GNB5: variants seen among roughly 807,000 people sequenced by gnomAD.
The protein encoded by GNB5 is guanine nucleotide-binding protein subunit beta-5.
In GNB5, 37 loss-of-function variants were observed where a neutral mutation model predicts 55.3. The ratio of observed to expected loss-of-function variants is 0.67; its 90% CI spans 0.51 to 0.88. GNB5 has a LOEUF of 0.88. GNB5 is among the 40% of genes least tolerant of loss of function. The probability of loss-of-function intolerance (pLI) is 0.00; values close to 1 mark genes in which losing one functional copy is unlikely to be tolerated. For missense variants in GNB5, 476 were observed against 515.3 expected (o/e 0.92, Z 0.74); for synonymous variants, 219 against 198.5 (o/e 1.10, Z -0.87).
chr15:52,176,882 T>C (rs2034659503), intron 3 of GNB5, among the ~76,000 whole-genome samples: 2 of 152,142 alleles, frequency 1.3e-5, no homozygotes, highest in South Asian at 4.1e-4. Flanking sequence ...ACTGCACCCA[T>C]GGGGTCCTGC....
chr15:52,159,100 T>C (rs1233759079), intron 3 of GNB5, among the ~76,000 whole-genome samples: 1 of 152,170 alleles, frequency 6.6e-6, no homozygotes, highest in African/African-American at 2.4e-5. Context: ...ATAATACTGA[T>C]GTAAAATTTT....
At chr15:52,130,885 G>A (rs973753809) in intron 9 of GNB5, among the ~76,000 whole-genome samples, 1 of 152,224 alleles carries the variant, frequency 6.6e-6, no homozygotes, top group African/African-American at 2.4e-5. Context: ...GAGTGCAGTG[G>A]CACGATCTCA....
At position 52,117,102 on chromosome 15, in the gene GNB5, A is replaced by ATATATATATATATATATAAT; in HGVS notation, c.*5654_*5655insATTATATATATATATATATA. On this transcript the variant is annotated 3_prime_UTR_variant, in exon 13 of 13. Transcript: ENST00000261837. ...CCACGCCCAGCTAATATATATATATATTTTTTTTTAGTACAGACAGGGTTT... is the reference window on the plus strand; with the variant it reads ...CCACGCCCAGCTAATATATATATATATATATATATATATATATAATTTTTTTTTTAGTACAGACAGGGTTT... 49 of 87,100 alleles carry ATATATATATATATATATAAT rather than the reference A, an allele frequency of 5.6e-4. 5 individuals are homozygous for ATATATATATATATATATAAT. Among genetic ancestry groups the ATATATATATATATATATAAT allele is most frequent in the African/African-American group, 2.9e-3 (48 of 16,446 alleles). The allele number at this position is 87,100 out of a possible 1,614,324, so 5.4% of individuals were successfully genotyped here. A position where few individuals can be genotyped will look rare whatever the true frequency, so the allele number is the denominator to read the frequency against.
At chr15:52,165,621 A>C (rs1566946069) in intron 3 of GNB5, among the ~76,000 whole-genome samples, 1 of 152,194 alleles carries the variant, frequency 6.6e-6, no homozygotes. Context: ...CAAAGAAGAA[A>C]CAAGATCTTT....
At chr15:52,124,367 C>T in intron 12 of GNB5, 106 bp downstream of exon 12, 1 of 881,288 alleles carries the variant, frequency 1.1e-6, no homozygotes, top group Non-Finnish European at 1.8e-6. Context: ...CGAGGCTGAC[C>T]AGGCCCACCT....
chr15:52,142,689 A>C (rs1422886042), intron 6 of GNB5, among the ~76,000 whole-genome samples: 1 of 152,038 alleles, frequency 6.6e-6, no homozygotes, highest in Non-Finnish European at 1.5e-5. Flanking sequence ...CCTTACCCTA[A>C]GGTGCCCTGC....
At chr15:52,175,532 A>T (rs2034633349) in intron 3 of GNB5, among the ~76,000 whole-genome samples, 2 of 151,544 alleles carry the variant, frequency 1.3e-5, no homozygotes, top group African/African-American at 4.9e-5. Flanking sequence ...TGAGGTCAGG[A>T]GTTCAAGAAC....
intron 10 of GNB5, among the ~76,000 whole-genome samples, chr15:52,126,881 G>A (rs2033444644): frequency 6.6e-6 from 1 of 152,090 alleles, no homozygotes; most frequent in East Asian, 1.9e-4. Context: ...TGCAACCTCT[G>A]CCTCCCCAGG....
chr15:52,124,037 AAG>A (rs2033351789), intron 12 of GNB5, among the ~76,000 whole-genome samples: 1 of 151,822 alleles, frequency 6.6e-6, no homozygotes, highest in South Asian at 2.1e-4. Context: ...AGGAAGAAAA[AAG>A]TAATAATTTC....
chr15:52,128,621 T>G, intron 9 of GNB5: 1 of 503,632 alleles, frequency 2.0e-6, no homozygotes, highest in South Asian at 1.5e-5. Flanking sequence ...CCACATTGGA[T>G]GTCTGCACTG....
At chr15:52,179,134 T>C (rs2034709702) in intron 3 of GNB5, among the ~76,000 whole-genome samples, 2 of 152,216 alleles carry the variant, frequency 1.3e-5, no homozygotes, top group African/African-American at 4.8e-5. Context: ...ATGGCTTTTT[T>C]ATGCCAATCC....
At chr15:52,146,716 C>A (rs1425019742) in intron 6 of GNB5, among the ~76,000 whole-genome samples, 4 of 151,202 alleles carry the variant, frequency 2.6e-5, no homozygotes, top group African/African-American at 9.7e-5. Flanking sequence ...AGTTGTATAC[C>A]ACCACACCCA....
At chr15:52,157,641 T>C (rs148083468) in intron 3 of GNB5, among the ~76,000 whole-genome samples, 34 of 152,256 alleles carry the variant, frequency 2.2e-4, no homozygotes, top group African/African-American at 7.0e-4. Context: ...TATTGCTGCT[T>C]CCCCCAATTC....
intron 3 of GNB5, among the ~76,000 whole-genome samples, chr15:52,177,302 G>A (rs1433610151): frequency 6.6e-6 from 1 of 151,576 alleles, no homozygotes; most frequent in Non-Finnish European, 1.5e-5. Context: ...CAAAGTGCTG[G>A]GATTACAGGC....
At chr15:52,145,476 C>CAA (rs71130134) in intron 6 of GNB5, among the ~76,000 whole-genome samples, 6 of 144,370 alleles carry the variant, frequency 4.2e-5, no homozygotes, top group Admixed American at 1.4e-4. Flanking sequence ...CCCATCTCTG[C>CAA]AAAAAAAAAA....
chr15:52,129,479 G>A (rs1238738705), intron 9 of GNB5, among the ~76,000 whole-genome samples: 2 of 152,190 alleles, frequency 1.3e-5, no homozygotes, highest in Non-Finnish European at 2.9e-5. Context: ...ACCATTTTCA[G>A]CTCTGCCCCA....
In GNB5 at chr15:52,117,318, A is replaced by G. The variant is rs2033167867; in HGVS notation, c.*5439T>C. ...TGCAATGCCCTACTTTTGATTAAAT[A>G]TCTTTAGCGAGCCTGTCTTTGTTAT... On this transcript the variant is annotated 3_prime_UTR_variant, in exon 13 of 13. Transcript: ENST00000261837. The G allele has an allele frequency of 6.6e-6, 1 of 151,880 alleles. No homozygotes were observed. The highest frequency in any genetic ancestry group is 1.5e-5 in the Non-Finnish European group (1 of 67,972). The allele number at this position is 151,880 out of a possible 1,614,324, so 9.4% of individuals were successfully genotyped here. A position where few individuals can be genotyped will look rare whatever the true frequency, so the allele number is the denominator to read the frequency against.
At position 52,141,417 on chromosome 15, in the gene GNB5, TTTC is replaced by T. The variant is rs1214130514; in HGVS notation, c.495-148_495-146del. 9.3e-6 allele frequency: 6 copies of T among 647,794 alleles called. No individual in the cohort carries two copies. The East Asian group carries it at 1.7e-4, about 19-fold the overall frequency. The allele number at this position is 647,794 out of a possible 1,614,324, so 40.1% of individuals were successfully genotyped here. A position where few individuals can be genotyped will look rare whatever the true frequency, so the allele number is the denominator to read the frequency against. On this transcript the variant is annotated intron_variant, in intron 6 of 12. Coordinates refer to ENST00000261837, the MANE Select transcript of GNB5 (RefSeq NM_016194.4). ...TTCCTCCAACTTTTACTTTGAAGAT[TTTC>T]TTTTCTTTCTTTCTTTTTTTTTTTT...
At chr15:52,182,727 T>C (rs2034789940) in intron 2 of GNB5, among the ~76,000 whole-genome samples, 1 of 152,220 alleles carries the variant, frequency 6.6e-6, no homozygotes, top group African/African-American at 2.4e-5. Context: ...TCACTGGATG[T>C]CTCTTCAGCT....
Sources: gnomAD v4.1 joint callset for allele counts (sites outside exome capture counted in the v4.1 genomes callset) on GRCh38, gnomAD v4.1.1 for gene constraint, MANE v1.5 for transcripts, NCBI Gene and HGNC (gene_info 2026-07-23, HGNC 2026-07-21) for gene names.